RBL1: variants seen among roughly 807,000 people sequenced by gnomAD.
The protein encoded by RBL1 is retinoblastoma-like protein 1.
Under a neutral mutation model 123.0 loss-of-function variants are expected in RBL1, and 82 were observed. The ratio of observed to expected loss-of-function variants is 0.67; its 90% CI spans 0.56 to 0.80. RBL1 has a LOEUF of 0.80. Ranked by LOEUF, RBL1 falls within the 30% of genes least tolerant of loss-of-function variation. RBL1 has a pLI of 0.00. For missense variants in RBL1, 1,171 were observed against 1,299.6 expected, an observed-to-expected ratio of 0.90 and a Z score of 1.52; for synonymous variants, 405 against 441.3, an observed-to-expected ratio of 0.92 and a Z score of 1.03.
intron 17 of RBL1, 85 bp downstream of exon 17, chr20:37,022,565 T>C: frequency 7.9e-7 from 1 of 1,271,798 alleles, no homozygotes; most frequent in South Asian, 1.8e-5. Flanking sequence ...GGGCTCAAGC[T>C]ATCTGCTCAC....
At chr20:37,010,758 C>CTGTG (rs141238437) in intron 19 of RBL1, among the ~76,000 whole-genome samples, 1 of 143,452 alleles carries the variant, frequency 7.0e-6, no homozygotes, top group African/African-American at 2.9e-5. Flanking sequence ...TGGCACATGA[C>CTGTG]TATGTGTGTG....
intron 14 of RBL1, 39 bp downstream of exon 14, chr20:37,040,113 CT>C (rs1224606665): frequency 3.1e-6 from 5 of 1,604,044 alleles, no homozygotes; most frequent in Non-Finnish European, 4.2e-6. Context: ...GCCAAATGCC[CT>C]TTGTTACTTT....
chr20:37,043,945 A>G, intron 13 of RBL1, 141 bp downstream of exon 13: 1 of 561,562 alleles, frequency 1.8e-6, no homozygotes, highest in South Asian at 4.3e-5. Context: ...TTATGGCTGC[A>G]CATATCTATT....
chr20:37,012,099 G>T (rs1023966391), intron 19 of RBL1, among the ~76,000 whole-genome samples: 6 of 152,190 alleles, frequency 3.9e-5, no homozygotes, highest in Non-Finnish European at 7.4e-5. Flanking sequence ...TCCTAACCGC[G>T]AGTGATCCGC....
chr20:37,089,920 C>T (rs773907777), intron 1 of RBL1, among the ~76,000 whole-genome samples: 1 of 151,882 alleles, frequency 6.6e-6, no homozygotes, highest in African/African-American at 2.4e-5. Flanking sequence ...GGTGTGGTGG[C>T]ATGCACCTGT....
intron 2 of RBL1, among the ~76,000 whole-genome samples, chr20:37,085,870 C>T (rs2065537052): frequency 6.6e-6 from 1 of 151,766 alleles, no homozygotes; most frequent in African/African-American, 2.4e-5. Context: ...AGGATGGTCT[C>T]GATCTCCTGA....
intron 21 of RBL1, among the ~76,000 whole-genome samples, chr20:37,000,487 C>A (rs1330249797): frequency 2.8e-5 from 4 of 143,142 alleles, no homozygotes; most frequent in Non-Finnish European, 4.6e-5. Flanking sequence ...CCCCCCCGCC[C>A]GGCCAGCCGC....
rs201683255 is a variant in RBL1 at position 37,064,612 on chromosome 20, AT to A, written c.896+811del. Among the ~76,000 whole-genome samples the A allele has an allele frequency of 6.0e-3, 890 of 148,382 alleles. 7 individuals carry two copies. Among genetic ancestry groups the A allele is most frequent in the African/African-American group, 0.019 (775 of 40,638 alleles). Reference sequence around the variant, plus strand: ...AAAAATAAATACGTAAGTATCAATAATTTTTTTTTTTAATTGAGATGGAATC... The same window carrying A: ...AAAAATAAATACGTAAGTATCAATAATTTTTTTTTTAATTGAGATGGAATC... On this transcript the variant is annotated intron_variant, in intron 7 of 21. Coordinates refer to ENST00000373664, the MANE Select transcript of RBL1 (RefSeq NM_002895.5).
rs1415332375 is a variant in RBL1 at position 37,078,663 on chromosome 20, CA to C, written c.290+10325del. The stretch of plus-strand genomic sequence containing the variant: ...TACGATAAGTGAAATAAGCATGTCA[CA>C]AAAGAACAAATATTGTAGGATGACA... On this transcript the variant is annotated intron_variant, in intron 2 of 21. Coordinates refer to ENST00000373664, the MANE Select transcript of RBL1 (RefSeq NM_002895.5). 2.6e-5 allele frequency among the ~76,000 whole-genome samples: 4 copies of C among 152,226 alleles called. No individual in the cohort carries two copies. The East Asian group carries it at 7.7e-4, about 29-fold the overall frequency.
chr20:37,015,716 C>G (rs1455390330), intron 19 of RBL1, among the ~76,000 whole-genome samples: 1 of 150,644 alleles, frequency 6.6e-6, no homozygotes, highest in Non-Finnish European at 1.5e-5. Context: ...AGGCGTGAGC[C>G]ACCGCACCCG....
intron 1 of RBL1, among the ~76,000 whole-genome samples, chr20:37,092,954 C>T (rs886567227): frequency 4.6e-5 from 7 of 151,886 alleles, no homozygotes; most frequent in African/African-American, 1.7e-4. Context: ...CTTAGAAATA[C>T]AAAAAATGTT....
intron 2 of RBL1, among the ~76,000 whole-genome samples, chr20:37,083,027 T>A (rs1333277567): frequency 2.0e-5 from 3 of 152,138 alleles, no homozygotes; most frequent in Admixed American, 1.3e-4. Flanking sequence ...TTAAAAAAAT[T>A]ATATTTAAGT....
At chr20:37,073,029 G>A (rs368331185) in intron 2 of RBL1, among the ~76,000 whole-genome samples, 59 of 152,202 alleles carry the variant, frequency 3.9e-4, no homozygotes, top group African/African-American at 9.9e-4. Context: ...GTGGCTCACT[G>A]CGGGCTTGAC....
At position 37,035,269 on chromosome 20, in the gene RBL1, C is replaced by T; in HGVS notation, c.2143G>A (p.Gly715Arg). The T allele has an allele frequency of 6.2e-7, 1 of 1,613,654 alleles. No individual in the cohort carries two copies. Among genetic ancestry groups the T allele is most frequent in the Non-Finnish European group, 8.5e-7 (1 of 1,179,706 alleles). ...MATAPVTGTT[G>R]HKVTIPLHGV... ...TGTAATGGAATTGTAACTTTATGTC[C>T]TGTTGTTCCTGTTACTGGGGCTGTG... Residue 715 changes from glycine to arginine, a missense_variant, in exon 15 of 22, where the codon GGA (glycine) becomes AGA (arginine). Physicochemically the swap from Gly to Arg is moderately radical, Grantham distance 125. Coordinates refer to ENST00000373664, the MANE Select transcript of RBL1 (RefSeq NM_002895.5).
intron 16 of RBL1, among the ~76,000 whole-genome samples, chr20:37,030,005 A>C (rs2064481336): frequency 1.3e-5 from 2 of 152,248 alleles, no homozygotes; most frequent in South Asian, 4.1e-4. Context: ...TTAAGATGTC[A>C]ACACTAGCCA....
At chr20:37,032,983 G>C (rs1193252080) in intron 15 of RBL1, 107 bp from the exon 16 acceptor site, 1 of 1,421,244 alleles carries the variant, frequency 7.0e-7, no homozygotes, top group African/African-American at 1.5e-5. Flanking sequence ...GTATAAGAAG[G>C]CTACAAAATA....
intron 2 of RBL1, among the ~76,000 whole-genome samples, chr20:37,068,850 C>G (rs1159962029): frequency 2.6e-5 from 4 of 152,292 alleles, no homozygotes; most frequent in Admixed American, 2.6e-4. Flanking sequence ...TCTCCCTCTC[C>G]CCACGGTCTC....
At chr20:37,036,786 C>T (rs897188979) in intron 14 of RBL1, among the ~76,000 whole-genome samples, 21 of 151,850 alleles carry the variant, frequency 1.4e-4, no homozygotes, top group Non-Finnish European at 1.2e-4. Context: ...CCACCATGCC[C>T]GGCTAATTTT....
At chr20:37,008,796 G>A (rs1424204787) in intron 19 of RBL1, among the ~76,000 whole-genome samples, 1 of 143,004 alleles carries the variant, frequency 7.0e-6, no homozygotes, top group Admixed American at 6.9e-5. Flanking sequence ...TAATTTGGAT[G>A]TCTTTTTCAC....
Sources: gnomAD v4.1 joint callset for allele counts (sites outside exome capture counted in the v4.1 genomes callset) on GRCh38, gnomAD v4.1.1 for gene constraint, MANE v1.5 for transcripts, NCBI Gene and HGNC (gene_info 2026-07-23, HGNC 2026-07-21) for gene names.